Variants in ULK4 observed in about 807,000 individuals in gnomAD.
The protein encoded by ULK4 is inactive serine/threonine-protein kinase ULK4.
ULK4 carries 133 observed loss-of-function variants against 160.6 expected under a neutral mutation model. The ratio of observed to expected loss-of-function variants is 0.83; its 90% CI spans 0.72 to 0.96. The LOEUF is 0.96. Ranked by LOEUF, ULK4 falls within the 40% of genes least tolerant of loss-of-function variation. ULK4 has a pLI of 0.00. For synonymous variants in ULK4, 534 were observed against 539.8 expected, an observed-to-expected ratio of 0.99 and a Z score of 0.15; for missense variants, 1,580 against 1,499.5, an observed-to-expected ratio of 1.05 and a Z score of -0.89.
chr3:41,717,201 T>TGG (rs1034070233), intron 23 of ULK4, among the ~76,000 whole-genome samples: 5 of 152,200 alleles, frequency 3.3e-5, no homozygotes, highest in African/African-American at 1.2e-4. Flanking sequence ...CTAAATACCC[T>TGG]GGCTTGATCA....
intron 35 of ULK4, among the ~76,000 whole-genome samples, chr3:41,358,119 T>C (rs1349364514): frequency 2.6e-5 from 4 of 152,218 alleles, no homozygotes; most frequent in African/African-American, 9.6e-5. Context: ...GCCTCTCACA[T>C]GATCTCTAGC....
chr3:41,536,679 G>T (rs767901921), intron 32 of ULK4, among the ~76,000 whole-genome samples: 1 of 152,184 alleles, frequency 6.6e-6, no homozygotes, highest in Admixed American at 6.5e-5. Context: ...ACTAATAAGT[G>T]TAAGTGGATC....
chr3:41,846,294 A>G (rs567010797), intron 17 of ULK4, among the ~76,000 whole-genome samples: 25 of 152,236 alleles, frequency 1.6e-4, no homozygotes, highest in African/African-American at 3.1e-4. Flanking sequence ...AAGAACAAAT[A>G]TAACACATAA....
chr3:41,794,616 A>C (rs1048731413), intron 20 of ULK4, among the ~76,000 whole-genome samples: 4 of 140,018 alleles, frequency 2.9e-5, no homozygotes, highest in Non-Finnish European at 6.1e-5. Context: ...AGCTGAGATC[A>C]CAATACTGCA....
At chr3:41,841,413 G>A (rs114714860) in intron 17 of ULK4, among the ~76,000 whole-genome samples, 1 of 140,348 alleles carries the variant, frequency 7.1e-6, no homozygotes, top group African/African-American at 2.6e-5. Flanking sequence ...GAGAGCGCCT[G>A]TGCCCGGCCG....
At chr3:41,631,845 G>A (rs546020684) in intron 30 of ULK4, among the ~76,000 whole-genome samples, 28 of 152,086 alleles carry the variant, frequency 1.8e-4, no homozygotes, top group Non-Finnish European at 4.0e-4. Flanking sequence ...TGATGTGGTT[G>A]CAAGTCCTGT....
At chr3:41,593,403 T>C (rs969564342) in intron 31 of ULK4, among the ~76,000 whole-genome samples, 2 of 128,668 alleles carry the variant, frequency 1.6e-5, no homozygotes, top group African/African-American at 5.2e-5. Flanking sequence ...CACACATGCA[T>C]GCACACACAC....
intron 35 of ULK4, among the ~76,000 whole-genome samples, chr3:41,353,994 T>C (rs1300602124): frequency 1.3e-5 from 2 of 152,136 alleles, no homozygotes; most frequent in African/African-American, 2.4e-5. Flanking sequence ...GCTCTTTCCA[T>C]TGTGGGGCTC....
chr3:41,836,713 T>TA (rs1040681086), intron 17 of ULK4, among the ~76,000 whole-genome samples: 3 of 152,110 alleles, frequency 2.0e-5, no homozygotes, highest in Admixed American at 1.3e-4. Context: ...CATGATTCCT[T>TA]AAAAAATCAG....
chr3:41,832,310 CAT>C (rs1180055259), intron 18 of ULK4, among the ~76,000 whole-genome samples: 6 of 152,106 alleles, frequency 3.9e-5, no homozygotes, highest in East Asian at 3.8e-4. Flanking sequence ...AGCTTTTTTT[CAT>C]ATGTTTGTTG....
At chr3:41,574,338 C>A (rs1341317219) in intron 31 of ULK4, among the ~76,000 whole-genome samples, 1 of 152,004 alleles carries the variant, frequency 6.6e-6, no homozygotes, top group Non-Finnish European at 1.5e-5. Context: ...GGGACTACTG[C>A]CTCCCTATTG....
intron 32 of ULK4, among the ~76,000 whole-genome samples, chr3:41,519,342 A>G (rs2085851904): frequency 6.6e-6 from 1 of 152,140 alleles, no homozygotes; most frequent in Non-Finnish European, 1.5e-5. Context: ...TCCACCTACA[A>G]ACCAAACATC....
chr3:41,858,246 G>A (rs1037973313), intron 17 of ULK4, among the ~76,000 whole-genome samples: 3 of 142,016 alleles, frequency 2.1e-5, no homozygotes, highest in African/African-American at 5.2e-5. Context: ...CCACCACCCA[G>A]GTTCAAGAAA....
intron 30 of ULK4, among the ~76,000 whole-genome samples, chr3:41,619,522 G>C (rs748987184): frequency 6.6e-6 from 1 of 151,972 alleles, no homozygotes; most frequent in South Asian, 2.1e-4. Context: ...ACGACTACTG[G>C]GTAAATAACG....
At chr3:41,445,547 C>T (rs1382793157) in intron 34 of ULK4, among the ~76,000 whole-genome samples, 2 of 151,836 alleles carry the variant, frequency 1.3e-5, no homozygotes, top group African/African-American at 4.8e-5. Context: ...TGGAACAGAA[C>T]AGAGCCCTCA....
intron 32 of ULK4, among the ~76,000 whole-genome samples, chr3:41,536,133 T>A (rs749313675): frequency 3.3e-5 from 5 of 152,178 alleles, no homozygotes; most frequent in Non-Finnish European, 7.3e-5. Context: ...CAGTCAGTTA[T>A]CAGCAAAATC....
Position 41,717,716 on chromosome 3 carries a change from A to T in ULK4, c.2455+12T>A. 1 of 1,602,980 alleles carries T rather than the reference A, an allele frequency of 6.2e-7. No individual in the cohort carries two copies. Among genetic ancestry groups the T allele is most frequent in the Non-Finnish European group, 8.5e-7 (1 of 1,172,008 alleles). On this transcript the variant is annotated intron_variant, in intron 23 of 36. Coordinates refer to ENST00000301831, the MANE Select transcript of ULK4 (RefSeq NM_017886.4). ...AGCAGAAATGGGGCCTGAGGATGAG[A>T]CTCCAATTTACCCAGGATTCGTGGC...
chr3:41,805,346 T>G (rs1329504994), intron 19 of ULK4, among the ~76,000 whole-genome samples: 1 of 152,226 alleles, frequency 6.6e-6, no homozygotes, highest in African/African-American at 2.4e-5. Context: ...ATCCTGAGAC[T>G]TTGCTGAATT....
At chr3:41,271,952 T>C (rs1336883419) in intron 35 of ULK4, among the ~76,000 whole-genome samples, 2 of 152,210 alleles carry the variant, frequency 1.3e-5, no homozygotes, top group Non-Finnish European at 2.9e-5. Context: ...AGTCTCCCTT[T>C]GTCACCCAGG....
Sources: allele counts gnomAD v4.1 joint callset (sites outside exome capture counted in the v4.1 genomes callset), GRCh38; gene constraint gnomAD v4.1.1; transcripts MANE v1.5; gene names NCBI Gene and HGNC (gene_info 2026-07-23, HGNC 2026-07-21).